The following AGBL1 variants were observed in gnomAD, a reference collection of about 807,000 sequenced individuals.
AGBL1 encodes cytosolic carboxypeptidase 4.
AGBL1 carries 130 observed loss-of-function variants against 118.9 expected under a neutral mutation model. The ratio of observed to expected loss-of-function variants is 1.09; its 90% CI spans 0.95 to 1.26. The LOEUF is 1.26. Among genes scored for constraint, AGBL1 ranks in the 50% most tolerant of loss-of-function variants. The pLI, the probability that AGBL1 is intolerant of heterozygous loss-of-function variation, is 0.00. For missense variants in AGBL1, 1,584 were observed against 1,298.1 expected (o/e 1.22, Z -3.38); for synonymous variants, 555 against 478.9 (o/e 1.16, Z -2.08).
At chr15:86,141,580 G>A (rs1326428348) in intron 1 of AGBL1, among the ~76,000 whole-genome samples, 1 of 152,296 alleles carries the variant, frequency 6.6e-6, no homozygotes, top group African/African-American at 2.4e-5. Context: ...GAACCCGGGA[G>A]GTGGAAGTTG....
chr15:86,590,635 G>A (rs1276393440), intron 21 of AGBL1, among the ~76,000 whole-genome samples: 1 of 152,166 alleles, frequency 6.6e-6, no homozygotes, highest in Non-Finnish European at 1.5e-5. Context: ...AACCTCACAG[G>A]TAGCAACCCT....
chr15:86,802,837 A>G (rs985428270), intron 22 of AGBL1, among the ~76,000 whole-genome samples: 9 of 152,128 alleles, frequency 5.9e-5, no homozygotes, highest in Admixed American at 2.0e-4. Flanking sequence ...TTACGTTGCA[A>G]TTGTCCCTTA....
chr15:86,774,176 G>A (rs1193132108), intron 22 of AGBL1, among the ~76,000 whole-genome samples: 1 of 152,080 alleles, frequency 6.6e-6, no homozygotes, highest in Non-Finnish European at 1.5e-5. Context: ...GGGAACCTGA[G>A]CCCGATGCTG....
At chr15:86,185,818 A>G (rs1431639469) in intron 5 of AGBL1, among the ~76,000 whole-genome samples, 1 of 152,118 alleles carries the variant, frequency 6.6e-6, no homozygotes, top group Non-Finnish European at 1.5e-5. Flanking sequence ...TGACGAGTTA[A>G]TGGGTGCAGC....
At chr15:86,391,636 G>C (rs1040399575) in intron 17 of AGBL1, among the ~76,000 whole-genome samples, 3 of 79,078 alleles carry the variant, frequency 3.8e-5, no homozygotes, top group Non-Finnish European at 7.3e-5. Flanking sequence ...TAATGTTGTT[G>C]TTGGTTTTTT....
chr15:86,938,969 C>T (rs2080712121), intron 23 of AGBL1: 1 of 152,262 alleles, frequency 6.6e-6, no homozygotes, highest in Non-Finnish European at 1.5e-5. Flanking sequence ...TGTCTTGCCA[C>T]AAAGAGCCTT....
chr15:86,818,601 A>C (rs1029740761), intron 22 of AGBL1, among the ~76,000 whole-genome samples: 1 of 152,186 alleles, frequency 6.6e-6, no homozygotes, highest in African/African-American at 2.4e-5. Flanking sequence ...CTAGAGAACT[A>C]ATATGGGAGC....
intron 22 of AGBL1, among the ~76,000 whole-genome samples, chr15:86,881,998 T>G (rs180769816): frequency 3.5e-4 from 54 of 152,268 alleles, no homozygotes; most frequent in Admixed American, 3.9e-4. Flanking sequence ...TAACTGAACA[T>G]GAGATTTGGT....
intron 22 of AGBL1, among the ~76,000 whole-genome samples, chr15:86,810,707 T>TC (rs1023960087): frequency 6.6e-5 from 10 of 152,200 alleles, no homozygotes; most frequent in African/African-American, 2.4e-4. Context: ...AAATTTTTTT[T>TC]CCATCTCTGG....
chr15:86,563,397 A>G (rs994730608), intron 21 of AGBL1, among the ~76,000 whole-genome samples: 3 of 152,144 alleles, frequency 2.0e-5, no homozygotes, highest in African/African-American at 4.8e-5. Context: ...TCATTTCGTT[A>G]TGTACCCAGT....
chr15:86,833,856 C>T (rs1395147098), intron 22 of AGBL1, among the ~76,000 whole-genome samples: 2 of 152,138 alleles, frequency 1.3e-5, no homozygotes, highest in Non-Finnish European at 2.9e-5. Flanking sequence ...CACATCTCAG[C>T]CTCACTCCTG....
At chr15:86,120,134 C>G (rs539762196) in intron 1 of AGBL1, among the ~76,000 whole-genome samples, 1 of 152,158 alleles carries the variant, frequency 6.6e-6, no homozygotes, top group Non-Finnish European at 1.5e-5. Flanking sequence ...CCATTAAAAT[C>G]TAAACTCCCC....
At chr15:86,706,217 C>T (rs987523640) in intron 22 of AGBL1, among the ~76,000 whole-genome samples, 10 of 151,940 alleles carry the variant, frequency 6.6e-5, no homozygotes, top group Non-Finnish European at 1.0e-4. Flanking sequence ...GATAAAATAT[C>T]GTTTTTAACC....
chr15:86,885,741 G>A (rs1221326778), intron 22 of AGBL1, among the ~76,000 whole-genome samples: 1 of 152,174 alleles, frequency 6.6e-6, no homozygotes, highest in Non-Finnish European at 1.5e-5. Context: ...TTACTCCAGA[G>A]TCAATGGTAG....
At chr15:87,021,700 C>T (rs1214560241) in intron 24 of AGBL1, among the ~76,000 whole-genome samples, 1 of 152,138 alleles carries the variant, frequency 6.6e-6, no homozygotes, top group African/African-American at 2.4e-5. Context: ...TGAACAGACA[C>T]TTCTCAAAAG....
intron 23 of AGBL1, among the ~76,000 whole-genome samples, chr15:86,932,525 T>C (rs1190517849): frequency 6.6e-6 from 1 of 152,220 alleles, no homozygotes; most frequent in Admixed American, 6.5e-5. Context: ...TGCGTGGGTG[T>C]TGAAGCCAGA....
rs367631168 is a variant in AGBL1 at position 86,247,720 on chromosome 15, C to T, written c.576C>T (p.Leu192=). The change falls in exon 7 of 23, where the codon CTC becomes CTT. Residue 192 remains leucine, a synonymous_variant. Coordinates refer to ENST00000614907, the MANE Select transcript of AGBL1 (RefSeq NM_001386094.1). ...AVNRGYVTSL[L]GLHQDWHSHD... ...ACCGAGGCTACGTCACCAGCCTGCTCGGGCTGCACCAGGACTGGCACAGCC... is the reference window on the plus strand; with the variant it reads ...ACCGAGGCTACGTCACCAGCCTGCTTGGGCTGCACCAGGACTGGCACAGCC... The T allele has an allele frequency of 1.9e-5, 31 of 1,613,290 alleles. No individual in the cohort carries two copies. The highest frequency in any genetic ancestry group is 1.8e-4 in the East Asian group (8 of 44,846).
At chr15:86,806,981 A>G (rs1288131077) in intron 22 of AGBL1, among the ~76,000 whole-genome samples, 1 of 152,114 alleles carries the variant, frequency 6.6e-6, no homozygotes, top group East Asian at 1.9e-4. Context: ...TATATTTTAT[A>G]TCTACCTTTT....
intron 1 of AGBL1, among the ~76,000 whole-genome samples, chr15:86,094,836 G>A (rs1683600666): frequency 6.6e-6 from 1 of 152,076 alleles, no homozygotes; most frequent in African/African-American, 2.4e-5. Flanking sequence ...ATGCCACCTG[G>A]GTATCCTACC....
Sources: gnomAD v4.1 joint callset for allele counts (sites outside exome capture counted in the v4.1 genomes callset) on GRCh38, gnomAD v4.1.1 for gene constraint, MANE v1.5 for transcripts, NCBI Gene and HGNC (gene_info 2026-07-23, HGNC 2026-07-21) for gene names.